KYNU: variants seen among roughly 807,000 people sequenced by gnomAD.
The protein encoded by KYNU is L-kynurenine hydrolase.
In KYNU, 54 loss-of-function variants were observed where a neutral mutation model predicts 59.2. The observed-to-expected ratio is 0.91, with a 90% CI of 0.73 to 1.14. The LOEUF (loss-of-function observed/expected upper bound fraction) is 1.14. Ranked by LOEUF, KYNU falls within the 50% of genes most tolerant of loss-of-function variation. The pLI, the probability that KYNU is intolerant of heterozygous loss-of-function variation, is 0.00. For missense variants in KYNU, 567 were observed against 554.4 expected, an observed-to-expected ratio of 1.02 and a Z score of -0.23; for synonymous variants, 177 against 192.0, an observed-to-expected ratio of 0.92 and a Z score of 0.65.
chr2:142,883,865 A>G (rs1213086537), intron 1 of KYNU, among the ~76,000 whole-genome samples: 2 of 152,180 alleles, frequency 1.3e-5, no homozygotes, highest in East Asian at 1.9e-4. Flanking sequence ...TCTCTCATAC[A>G]CTGCTGTCCT....
intron 10 of KYNU, among the ~76,000 whole-genome samples, chr2:143,014,247 C>G (rs1323846511): frequency 2.0e-5 from 3 of 152,152 alleles, no homozygotes; most frequent in African/African-American, 7.2e-5. Context: ...TGTGGAGTTC[C>G]CACTGACCTC....
In KYNU at chr2:143,055,327, C is replaced by A. The variant is rs1246051332; in HGVS notation, c.*13155C>A. 6.6e-6 allele frequency: 1 copy of A among 152,126 alleles called. No homozygotes were observed. Among genetic ancestry groups the A allele is most frequent in the Admixed American group, 6.5e-5 (1 of 15,272 alleles). 9.4% of individuals were successfully genotyped at this position (152,126 alleles called of 1,614,324 possible). On this transcript the variant is annotated 3_prime_UTR_variant, in exon 14 of 14. Transcript: ENST00000264170. ...TCTTACTTTTTTTAGATTCTAGAGGCTTCCCACAATCCTTGGCTTAAGGTC... is the reference window on the plus strand; with the variant it reads ...TCTTACTTTTTTTAGATTCTAGAGGATTCCCACAATCCTTGGCTTAAGGTC...
chr2:142,986,620 C>T (rs576478810), intron 10 of KYNU, among the ~76,000 whole-genome samples: 8 of 151,724 alleles, frequency 5.3e-5, no homozygotes, highest in South Asian at 4.2e-4. Flanking sequence ...AAATATAATA[C>T]ACCAACAAAC....
intron 2 of KYNU, among the ~76,000 whole-genome samples, chr2:142,918,402 A>G (rs1469496421): frequency 1.3e-5 from 2 of 152,176 alleles, no homozygotes; most frequent in Non-Finnish European, 2.9e-5. Context: ...TCCTCATAAT[A>G]GCCTCTATAG....
intron 10 of KYNU, among the ~76,000 whole-genome samples, chr2:143,004,639 T>G (rs1685813907): frequency 6.6e-6 from 1 of 152,110 alleles, no homozygotes; most frequent in Non-Finnish European, 1.5e-5. Flanking sequence ...AGGCGGAGGT[T>G]GCAGTGAGCC....
At chr2:143,013,417 C>T (rs1233455206) in intron 10 of KYNU, among the ~76,000 whole-genome samples, 13 of 151,954 alleles carry the variant, frequency 8.6e-5, no homozygotes, top group Non-Finnish European at 1.5e-5. Flanking sequence ...CAAAGGAGTG[C>T]AGATATCTTT....
intron 1 of KYNU, among the ~76,000 whole-genome samples, chr2:142,878,361 A>G (rs965567788): frequency 1.3e-5 from 2 of 152,192 alleles, no homozygotes; most frequent in Non-Finnish European, 2.9e-5. Context: ...TAACGTGTTC[A>G]GCAAGTAATT....
intron 4 of KYNU, among the ~76,000 whole-genome samples, chr2:142,929,438 C>CAA (rs1019910850): frequency 1.1e-4 from 16 of 151,192 alleles, no homozygotes; most frequent in Non-Finnish European, 2.1e-4. Context: ...AGCTGCTTTA[C>CAA]CCTGCTAATC....
Position 143,043,432 on chromosome 2 carries a change from C to T in KYNU, c.*1260C>T, listed in dbSNP as rs1414353447. 6.6e-6 allele frequency: 1 copy of T among 151,842 alleles called. No homozygotes were observed. The highest frequency in any genetic ancestry group is 2.4e-5 in the African/African-American group (1 of 41,382). 9.4% of individuals were successfully genotyped at this position (151,842 alleles called of 1,614,324 possible). ...AAAAAGAGTGACATAATTATTGCCT[C>T]CAATTAAACAAGTTTGAATGAAATA... On this transcript the variant is annotated 3_prime_UTR_variant, in exon 14 of 14. Transcript: ENST00000264170.
At chr2:143,027,492 G>T (rs2104910294) in intron 10 of KYNU, among the ~76,000 whole-genome samples, 1 of 152,220 alleles carries the variant, frequency 6.6e-6, no homozygotes, top group East Asian at 1.9e-4. Context: ...AATTCATGGG[G>T]CACAGACATT....
At chr2:143,012,164 G>A (rs796416121) in intron 10 of KYNU, among the ~76,000 whole-genome samples, 2 of 151,986 alleles carry the variant, frequency 1.3e-5, no homozygotes, top group African/African-American at 4.8e-5. Flanking sequence ...CGACAAAGGA[G>A]AACAGAAGAA....
intron 2 of KYNU, among the ~76,000 whole-genome samples, chr2:142,905,516 G>A (rs559839171): frequency 1.3e-5 from 2 of 152,200 alleles, no homozygotes; most frequent in African/African-American, 4.8e-5. Context: ...TAAATCCCCT[G>A]TTAGGAAAGC....
chr2:142,894,727 T>C (rs1188396941), intron 2 of KYNU, among the ~76,000 whole-genome samples: 5 of 152,228 alleles, frequency 3.3e-5, no homozygotes, highest in African/African-American at 1.2e-4. Context: ...TATGTATGTT[T>C]CCATATATAG....
At chr2:142,885,328 T>G in intron 1 of KYNU, 21 bp from the exon 2 acceptor site, 1 of 1,598,584 alleles carries the variant, frequency 6.3e-7, no homozygotes, top group Non-Finnish European at 8.6e-7. Context: ...GGCTAGATTA[T>G]GTTTTATTAT....
At chr2:143,033,358 C>A (rs377199248) in intron 12 of KYNU, 37 bp downstream of exon 12, 2 of 1,448,882 alleles carry the variant, frequency 1.4e-6, no homozygotes, top group Non-Finnish European at 9.7e-7. Flanking sequence ...CACATCTTTG[C>A]GTTTTTTCTT....
chr2:142,981,638 G>A (rs189033379), intron 8 of KYNU, among the ~76,000 whole-genome samples: 5 of 151,818 alleles, frequency 3.3e-5, no homozygotes, highest in African/African-American at 7.3e-5. Context: ...TTCATGGTAC[G>A]TATTGCTCAT....
intron 2 of KYNU, among the ~76,000 whole-genome samples, chr2:142,895,839 C>T (rs1161029373): frequency 6.6e-6 from 1 of 152,128 alleles, no homozygotes; most frequent in Non-Finnish European, 1.5e-5. Context: ...CGTGCACCAC[C>T]ACACCAGTCT....
chr2:142,969,115 G>C (rs555014940), intron 8 of KYNU, among the ~76,000 whole-genome samples: 7 of 152,206 alleles, frequency 4.6e-5, no homozygotes, highest in African/African-American at 1.7e-4. Context: ...CTGAACTCCT[G>C]TAGTTTAACT....
In KYNU at chr2:143,044,388, A is replaced by G. The variant is rs1687131321; in HGVS notation, c.*2216A>G. On this transcript the variant is annotated 3_prime_UTR_variant, in exon 14 of 14. Transcript: ENST00000264170. ...TGGGTTAAATGGTATTTCTGGTTCT[A>G]GATCCTCGAGGAATTGCCACACTGT... 1 of 152,214 alleles carries G rather than the reference A, an allele frequency of 6.6e-6. No individual in the cohort carries two copies. The highest frequency in any genetic ancestry group is 6.5e-5 in the Admixed American group (1 of 15,284). 9.4% of individuals were successfully genotyped at this position (152,214 alleles called of 1,614,324 possible).
Sources: allele counts gnomAD v4.1 joint callset (sites outside exome capture counted in the v4.1 genomes callset), GRCh38; gene constraint gnomAD v4.1.1; transcripts MANE v1.5; gene names NCBI Gene and HGNC (gene_info 2026-07-23, HGNC 2026-07-21).